Variants in CKAP2L observed in about 807,000 individuals in gnomAD.
CKAP2L encodes the protein cytoskeleton-associated protein 2-like.
CKAP2L carries 42 observed loss-of-function variants against 65.7 expected under a neutral mutation model. The observed-to-expected ratio is 0.64, with a 90% CI of 0.50 to 0.83. CKAP2L has a LOEUF of 0.83. Among genes scored for constraint, CKAP2L ranks in the 40% least tolerant of loss-of-function variants. The pLI, the probability that CKAP2L is intolerant of heterozygous loss-of-function variation, is 0.00. For synonymous variants in CKAP2L, 325 were observed against 313.5 expected (o/e 1.04, Z -0.39); for missense variants, 908 against 871.0 (o/e 1.04, Z -0.53).
intron 4 of CKAP2L, among the ~76,000 whole-genome samples, chr2:112,755,186 C>T (rs1319558064): frequency 6.6e-6 from 1 of 152,228 alleles, no homozygotes; most frequent in Non-Finnish European, 1.5e-5. Context: ...CTGGGAGGCT[C>T]ACCCACTTCA....
chr2:112,760,759 T>C lies in CKAP2L; in HGVS notation c.110A>G (p.Tyr37Cys). The part of the protein sequence containing the change: ...GKLKSQNTKP[Y>C]LKSKNNCQNQ... The stretch of plus-strand genomic sequence containing the variant: ...CTGGCAATTATTCTTGGATTTTAGA[T>C]AAGGCCTATAAAAGACAAATTAAAA... Residue 37 changes from tyrosine to cysteine, a missense_variant, in exon 3 of 9, where the codon TAT (tyrosine) becomes TGT (cysteine). Transcript: ENST00000302450. The C allele has an allele frequency of 6.7e-7, 1 of 1,496,368 alleles. No individual in the cohort carries two copies. The highest frequency in any genetic ancestry group is 9.2e-7 in the Non-Finnish European group (1 of 1,085,970). 92.7% of individuals were successfully genotyped at this position (1,496,368 alleles called of 1,614,324 possible).
chr2:112,757,240 T>TA lies in CKAP2L; in HGVS notation c.157-27dup, dbSNP rs1444845626. On this transcript the variant is annotated intron_variant, in intron 3 of 8. Coordinates refer to ENST00000302450, the MANE Select transcript of CKAP2L (RefSeq NM_152515.5). ...CTGAAAAAACAAAGAAAATACATAT[T>TA]AAAAAATCCTTAACATATCTTATTG... 13 of 1,461,948 alleles carry TA rather than the reference T, an allele frequency of 8.9e-6. No homozygotes were observed. In the Middle Eastern group the frequency reaches 5.4e-4, roughly 61 times the overall value. The allele number at this position is 1,461,948 out of a possible 1,614,324, so 90.6% of individuals were successfully genotyped here. A position where few individuals can be genotyped will look rare whatever the true frequency, so the allele number is the denominator to read the frequency against.
chr2:112,760,714 G>T lies in CKAP2L; in HGVS notation c.155C>A (p.Ser52Tyr). The T allele has an allele frequency of 1.4e-6, 2 of 1,457,568 alleles. No homozygotes were observed. Among genetic ancestry groups the T allele is most frequent in the Non-Finnish European group, 1.9e-6 (2 of 1,055,608 alleles). The allele number at this position is 1,457,568 out of a possible 1,614,324, so 90.3% of individuals were successfully genotyped here. Residue 52 changes from serine (S) to tyrosine (Y), a missense_variant and splice_region_variant, in exon 3 of 9, where the codon TCT (serine) becomes TAT (tyrosine). Ser to Tyr is a moderately radical substitution (Grantham distance 144). Transcript: ENST00000302450. ...NNCQNQPPSK[S>Y]TIRPKNDVTN... ...TTAAAAAGACTAATTTCTACTTACA[G>T]ATTTAGAAGGTGGTTGATTCTGGCA...
At chr2:112,757,303 A>G (rs1038379007) in intron 3 of CKAP2L, 89 bp from the exon 4 acceptor site, 2 of 931,646 alleles carry the variant, frequency 2.1e-6, no homozygotes, top group East Asian at 2.8e-5. Flanking sequence ...CATGCTAAAA[A>G]AAATAATCAT....
At chr2:112,762,257 C>G (rs909495838) in intron 2 of CKAP2L, among the ~76,000 whole-genome samples, 5 of 152,214 alleles carry the variant, frequency 3.3e-5, no homozygotes, top group Non-Finnish European at 7.3e-5. Context: ...GTAGGTAATA[C>G]TGACCCTTCT....
chr2:112,762,473 A>C, intron 2 of CKAP2L, 30 bp downstream of exon 2: 2 of 1,591,836 alleles, frequency 1.3e-6, no homozygotes, highest in Non-Finnish European at 1.7e-6. Context: ...AGGCAACAAA[A>C]CTTGCGTAAC....
chr2:112,742,565 G>T, intron 7 of CKAP2L, 141 bp downstream of exon 7: 1 of 709,348 alleles, frequency 1.4e-6, no homozygotes, highest in South Asian at 1.5e-5. Context: ...TGATGACAAT[G>T]GCTGAAAGGG....
chr2:112,759,896 A>G (rs1680668518), intron 3 of CKAP2L, among the ~76,000 whole-genome samples: 1 of 151,952 alleles, frequency 6.6e-6, no homozygotes, highest in Non-Finnish European at 1.5e-5. Flanking sequence ...CAGAACACAG[A>G]TAAAAACTTA....
At chr2:112,746,183 GT>G (rs201556029) in intron 6 of CKAP2L, among the ~76,000 whole-genome samples, 24 of 151,346 alleles carry the variant, frequency 1.6e-4, no homozygotes, top group South Asian at 1.0e-3. Flanking sequence ...TAATTATATA[GT>G]TTTTTTTTCT....
chr2:112,756,797 A>G lies in CKAP2L; in HGVS notation c.574T>C (p.Leu192=). 1.2e-6 allele frequency: 2 copies of G among 1,603,802 alleles called. No homozygotes were observed. Among genetic ancestry groups the G allele is most frequent in the Non-Finnish European group, 1.7e-6 (2 of 1,177,162 alleles). ...TCTGGCTTCCTCTCAGGTTCTGTTA[A>G]GATATCGAGCAAGTTCTCTTTGTTT... ...ETNKENLLDI[L]TEPERKPDPK... Residue 192 remains leucine (L), a synonymous_variant, in exon 4 of 9, where the codon TTA becomes CTA. Transcript: ENST00000302450.
At chr2:112,746,375 T>C (rs1427952164) in intron 6 of CKAP2L, 45 bp downstream of exon 6, 11 of 1,517,080 alleles carry the variant, frequency 7.3e-6, no homozygotes, top group Non-Finnish European at 7.2e-6. Context: ...AGAACTCACA[T>C]GAAAGAGAAT....
chr2:112,756,119 A>G lies in CKAP2L; in HGVS notation c.1252T>C (p.Leu418=). 1 of 1,614,152 alleles carries G rather than the reference A, an allele frequency of 6.2e-7. No homozygotes were observed. The highest frequency in any genetic ancestry group is 8.5e-7 in the Non-Finnish European group (1 of 1,180,030). Residue 418 remains leucine, a synonymous_variant, in exon 4 of 9, where the codon TTG becomes CTG. Coordinates refer to ENST00000302450, the MANE Select transcript of CKAP2L (RefSeq NM_152515.5). ...ACAGCCTTTTTCAACTTGGAGTCCAAAGTCTGTGCTTTTTGCTGAAAGCCA... is the reference window on the plus strand; with the variant it reads ...ACAGCCTTTTTCAACTTGGAGTCCAGAGTCTGTGCTTTTTGCTGAAAGCCA... ...NNGFQQKAQT[L]DSKLKKAVPQ...
At chr2:112,753,513 TAA>T (rs1680440118) in intron 4 of CKAP2L, among the ~76,000 whole-genome samples, 1 of 146,482 alleles carries the variant, frequency 6.8e-6, no homozygotes, top group South Asian at 2.2e-4. Context: ...CAGGTATCCT[TAA>T]AGTTTCTTTT....
At chr2:112,759,661 C>T (rs1014350933) in intron 3 of CKAP2L, among the ~76,000 whole-genome samples, 4 of 152,194 alleles carry the variant, frequency 2.6e-5, no homozygotes, top group Non-Finnish European at 4.4e-5. Context: ...TAACCCAGTG[C>T]TTCCCAAACG....
At position 112,736,916 on chromosome 2, in the gene CKAP2L, G is replaced by A. The variant is rs1344444619; in HGVS notation, c.*1907C>T. On this transcript the variant is annotated 3_prime_UTR_variant, in exon 9 of 9. Transcript: ENST00000302450. ...AACATGTGAGTGCAGATATCTTTAT[G>A]AGGTGATGATTTCATCTTTTTTTTT... 2 of 151,994 alleles carry A rather than the reference G, an allele frequency of 1.3e-5. No homozygotes were observed. Among genetic ancestry groups the A allele is most frequent in the Non-Finnish European group, 2.9e-5 (2 of 68,018 alleles). 9.4% of individuals were successfully genotyped at this position (151,994 alleles called of 1,614,324 possible). A position where few individuals can be genotyped will look rare whatever the true frequency, so the allele number is the denominator to read the frequency against.
At position 112,755,171 on chromosome 2, in the gene CKAP2L, T is replaced by C. The variant is rs537484762; in HGVS notation, c.1394+806A>G. Among the ~76,000 whole-genome samples the C allele has an allele frequency of 4.6e-5, 7 of 152,334 alleles. No individual in the cohort carries two copies. The East Asian group carries it at 1.2e-3, about 25-fold the overall frequency. ...ACTTCAAGCAGGTATACATATGTGCTTCTCCTGGGAGGCTCACCCACTTCA... is the reference window on the plus strand; with the variant it reads ...ACTTCAAGCAGGTATACATATGTGCCTCTCCTGGGAGGCTCACCCACTTCA... On this transcript the variant is annotated intron_variant, in intron 4 of 8. Coordinates refer to ENST00000302450, the MANE Select transcript of CKAP2L (RefSeq NM_152515.5).
intron 5 of CKAP2L, among the ~76,000 whole-genome samples, chr2:112,748,584 G>A (rs1374260003): frequency 6.6e-6 from 1 of 152,200 alleles, no homozygotes; most frequent in Non-Finnish European, 1.5e-5. Flanking sequence ...CAGGCCAGGT[G>A]CAGTGGGTGG....
intron 2 of CKAP2L, among the ~76,000 whole-genome samples, chr2:112,761,378 G>A (rs1482184196): frequency 6.7e-6 from 1 of 149,450 alleles, no homozygotes; most frequent in East Asian, 2.0e-4. Context: ...GGAAAATGGC[G>A]TGAAACTGGG....
chr2:112,762,408 G>T, intron 2 of CKAP2L, 95 bp downstream of exon 2: 1 of 902,374 alleles, frequency 1.1e-6, no homozygotes, highest in Non-Finnish European at 1.8e-6. Context: ...AGTCTGAGTA[G>T]ACTCTAAGCA....
Sources: allele counts gnomAD v4.1 joint callset (sites outside exome capture counted in the v4.1 genomes callset), GRCh38; gene constraint gnomAD v4.1.1; transcripts MANE v1.5; gene names NCBI Gene and HGNC (gene_info 2026-07-23, HGNC 2026-07-21).